Variants in HECW2 observed in about 807,000 individuals in gnomAD.
The protein encoded by HECW2 is E3 ubiquitin-protein ligase HECW2.
A neutral mutation model predicts 175.2 loss-of-function variants in HECW2; 61 were observed. The ratio of observed to expected loss-of-function variants is 0.35; its 90% CI spans 0.28 to 0.43. The LOEUF (loss-of-function observed/expected upper bound fraction) is 0.43. Ranked by LOEUF, HECW2 falls within the 20% of genes least tolerant of loss-of-function variation. The probability of loss-of-function intolerance (pLI) is 1.00; values close to 1 mark genes in which losing one functional copy is unlikely to be tolerated. For synonymous variants in HECW2, 671 were observed against 731.0 expected (o/e 0.92, Z 1.32); for missense variants, 1,524 against 2,000.5 (o/e 0.76, Z 4.54).
intron 1 of HECW2, among the ~76,000 whole-genome samples, chr2:196,454,134 A>G (rs1178684396): frequency 6.6e-6 from 1 of 151,980 alleles, no homozygotes; most frequent in Admixed American, 6.6e-5. Context: ...TAATTTTTGT[A>G]TTTTTAGTAG....
Position 196,253,956 on chromosome 2 carries a change from G to A in HECW2, c.3493C>T (p.Arg1165Cys), listed in dbSNP as rs755692384. Residue 1165 changes from arginine (R) to cysteine (C), a missense_variant, in exon 19 of 29, where the codon CGT becomes TGT. By Grantham distance (180) the Arg-to-Cys change is radical. Transcript: ENST00000644978. Reference sequence around the variant, plus strand: ...TGAGGAGATGACACGGGAGAGCCACGTGGGGACTGACAGTAGCTGGGGTGG... The same window carrying A: ...TGAGGAGATGACACGGGAGAGCCACATGGGGACTGACAGTAGCTGGGGTGG... ...LLHPSYCQSP[R>C]GSPVSSPQNS... 3.7e-6 allele frequency: 6 copies of A among 1,613,946 alleles called. No homozygotes were observed. The highest frequency in any genetic ancestry group is 2.2e-5 in the East Asian group (1 of 44,894).
chr2:196,460,733 C>T (rs1186717333), intron 1 of HECW2, among the ~76,000 whole-genome samples: 2 of 151,602 alleles, frequency 1.3e-5, no homozygotes, highest in African/African-American at 4.8e-5. Context: ...ACCTCAGCCT[C>T]CCAAGTAACT....
intron 1 of HECW2, among the ~76,000 whole-genome samples, chr2:196,557,629 T>TA (rs1483811667): frequency 6.6e-6 from 1 of 152,020 alleles, no homozygotes; most frequent in East Asian, 1.9e-4. Context: ...CACAAATATC[T>TA]AACAATAGAG....
intron 1 of HECW2, among the ~76,000 whole-genome samples, chr2:196,485,036 ATCAG>A (rs1337523980): frequency 1.3e-5 from 2 of 152,230 alleles, no homozygotes; most frequent in African/African-American, 2.4e-5. Flanking sequence ...GGACAGAGTT[ATCAG>A]TCAGCAAGGA....
chr2:196,576,591 A>G (rs1690571157), intron 1 of HECW2, among the ~76,000 whole-genome samples: 1 of 152,162 alleles, frequency 6.6e-6, no homozygotes, highest in South Asian at 2.1e-4. Flanking sequence ...TCAAACATAC[A>G]AAGTTTCAGT....
At chr2:196,464,703 C>T (rs988491025) in intron 1 of HECW2, among the ~76,000 whole-genome samples, 2 of 151,380 alleles carry the variant, frequency 1.3e-5, no homozygotes, top group African/African-American at 4.9e-5. Context: ...GGATGATAAA[C>T]CTCCAAATAG....
chr2:196,297,308 A>G (rs1206659671), intron 13 of HECW2, among the ~76,000 whole-genome samples: 1 of 152,246 alleles, frequency 6.6e-6, no homozygotes, highest in Non-Finnish European at 1.5e-5. Flanking sequence ...AGCAAGAAAT[A>G]AGCACTTGAT....
chr2:196,478,011 C>T (rs1234917737), intron 1 of HECW2, among the ~76,000 whole-genome samples: 1 of 152,140 alleles, frequency 6.6e-6, no homozygotes, highest in African/African-American at 2.4e-5. Context: ...GAGATCATGC[C>T]ACTGCACTCC....
At chr2:196,387,546 T>C (rs1694385350) in intron 2 of HECW2, among the ~76,000 whole-genome samples, 1 of 152,174 alleles carries the variant, frequency 6.6e-6, no homozygotes, top group Non-Finnish European at 1.5e-5. Context: ...TTCTGTTGCT[T>C]ATAAATTACC....
chr2:196,410,964 A>G (rs1460768856), intron 2 of HECW2, among the ~76,000 whole-genome samples: 1 of 151,972 alleles, frequency 6.6e-6, no homozygotes, highest in Non-Finnish European at 1.5e-5. Context: ...ATGCCATTCC[A>G]GGCAATGCAA....
chr2:196,295,387 G>A (rs1411618193), intron 13 of HECW2, among the ~76,000 whole-genome samples: 1 of 152,146 alleles, frequency 6.6e-6, no homozygotes, highest in Non-Finnish European at 1.5e-5. Flanking sequence ...ACTGTTTTCT[G>A]CATTTGGCTC....
At chr2:196,496,114 A>C (rs1277740355) in intron 1 of HECW2, among the ~76,000 whole-genome samples, 4 of 152,280 alleles carry the variant, frequency 2.6e-5, no homozygotes, top group African/African-American at 9.6e-5. Flanking sequence ...GTTTTCAATA[A>C]GTACAGAGGT....
At chr2:196,589,892 C>T (rs1340512284) in intron 1 of HECW2, among the ~76,000 whole-genome samples, 2 of 152,186 alleles carry the variant, frequency 1.3e-5, no homozygotes, top group African/African-American at 2.4e-5. Flanking sequence ...CTTACAGCCA[C>T]GGCAGATGCT....
chr2:196,482,411 T>G (rs1394207348), intron 1 of HECW2, among the ~76,000 whole-genome samples: 1 of 152,202 alleles, frequency 6.6e-6, no homozygotes, highest in Admixed American at 6.5e-5. Context: ...TGTGCTGGGA[T>G]GCACTCAGCA....
At chr2:196,221,024 G>T in intron 24 of HECW2, 83 bp from the exon 25 acceptor site, 1 of 1,464,900 alleles carries the variant, frequency 6.8e-7, no homozygotes, top group Non-Finnish European at 9.4e-7. Flanking sequence ...GCTGAAATCA[G>T]CCAGCTACCT....
intron 1 of HECW2, among the ~76,000 whole-genome samples, chr2:196,489,660 T>C (rs1490665833): frequency 6.6e-6 from 1 of 152,232 alleles, no homozygotes; most frequent in African/African-American, 2.4e-5. Context: ...AAGTCTGGGA[T>C]GGCCCATCCA....
chr2:196,231,830 A>G (rs951575208), intron 21 of HECW2, among the ~76,000 whole-genome samples: 6 of 152,132 alleles, frequency 3.9e-5, no homozygotes, highest in Admixed American at 2.0e-4. Flanking sequence ...TCTACTAAAA[A>G]TACAAAAAAT....
chr2:196,400,188 G>GC (rs1694779756), intron 2 of HECW2, among the ~76,000 whole-genome samples: 1 of 152,182 alleles, frequency 6.6e-6, no homozygotes, highest in Non-Finnish European at 1.5e-5. Flanking sequence ...GAATAAAAAA[G>GC]CATGTGGTGC....
At chr2:196,319,926 C>T (rs1315331878) in intron 8 of HECW2, 22 bp from the exon 9 acceptor site, 1 of 1,552,098 alleles carries the variant, frequency 6.4e-7, no homozygotes, top group Non-Finnish European at 8.7e-7. Flanking sequence ...AACAGCATTT[C>T]TAAAAAATTA....
Sources: allele counts gnomAD v4.1 joint callset (sites outside exome capture counted in the v4.1 genomes callset), GRCh38; gene constraint gnomAD v4.1.1; transcripts MANE v1.5; gene names NCBI Gene and HGNC (gene_info 2026-07-23, HGNC 2026-07-21).